CYTH1: variants seen among roughly 807,000 people sequenced by gnomAD.
CYTH1 encodes the protein cytohesin 1, also known as cytohesin-1.
In CYTH1, 18 loss-of-function variants were observed where a neutral mutation model predicts 61.8. That is an observed-to-expected ratio of 0.29 (90% CI 0.20 to 0.43). CYTH1 has a LOEUF of 0.43. Ranked by LOEUF, CYTH1 falls within the 20% of genes least tolerant of loss-of-function variation. CYTH1 has a pLI of 1.00. For missense variants in CYTH1, 336 were observed against 510.5 expected, an observed-to-expected ratio of 0.66 and a Z score of 3.29; for synonymous variants, 174 against 184.3, an observed-to-expected ratio of 0.94 and a Z score of 0.45.
At chr17:78,739,729 A>G (rs997809398) in intron 1 of CYTH1, among the ~76,000 whole-genome samples, 3 of 152,158 alleles carry the variant, frequency 2.0e-5, no homozygotes, top group African/African-American at 7.2e-5. Flanking sequence ...CCAGCACAGG[A>G]GCTGGAGACC....
intron 13 of CYTH1, chr17:78,677,137 T>G (rs1401912834): frequency 6.6e-6 from 3 of 452,132 alleles, no homozygotes; most frequent in African/African-American, 6.0e-5. Context: ...TAGAAACATG[T>G]CCCGATGGGA....
intron 13 of CYTH1, chr17:78,676,961 G>A (rs1199351232): frequency 4.4e-6 from 2 of 454,924 alleles, no homozygotes; most frequent in East Asian, 7.0e-5. Context: ...CAGAGCTCGG[G>A]CACAAGCCTC....
At chr17:78,748,795 T>G (rs2093368732) in intron 1 of CYTH1, among the ~76,000 whole-genome samples, 1 of 152,232 alleles carries the variant, frequency 6.6e-6, no homozygotes, top group Non-Finnish European at 1.5e-5. Context: ...ACAGGAGCAC[T>G]GCAGATCCCC....
In CYTH1 at chr17:78,760,422, T is replaced by C. The variant is rs367670755; in HGVS notation, c.22+21780A>G. On this transcript the variant is annotated intron_variant, in intron 1 of 13. Coordinates refer to ENST00000446868, the MANE Select transcript of CYTH1 (RefSeq NM_004762.6). ...ATATATATATGTGTATATATATATA[T>C]ATACACATACATATATATATGTATA... Among the ~76,000 whole-genome samples the C allele has an allele frequency of 3.6e-3, 283 of 77,858 alleles. 13 individuals are homozygous for C. The highest frequency in any genetic ancestry group is 0.015 in the African/African-American group (271 of 18,302). 51.1% of individuals were successfully genotyped at this position (77,858 alleles called of 152,430 possible).
intron 11 of CYTH1, 64 bp downstream of exon 11, chr17:78,692,353 A>G (rs1467487753): frequency 6.6e-7 from 1 of 1,511,268 alleles, no homozygotes; most frequent in Non-Finnish European, 9.2e-7. Context: ...ATGTCTGATT[A>G]GAGACACTTG....
intron 1 of CYTH1, among the ~76,000 whole-genome samples, chr17:78,711,400 T>C (rs569984366): frequency 1.3e-5 from 2 of 151,988 alleles, no homozygotes; most frequent in South Asian, 2.1e-4. Flanking sequence ...TGATTGCACA[T>C]TGATATAACT....
At chr17:78,687,540 T>C (rs1433900468) in intron 11 of CYTH1, among the ~76,000 whole-genome samples, 2 of 152,206 alleles carry the variant, frequency 1.3e-5, no homozygotes, top group Non-Finnish European at 2.9e-5. Flanking sequence ...TCCATTCCTT[T>C]CCAGTTCAGG....
At chr17:78,751,524 T>C (rs1422947101) in intron 1 of CYTH1, among the ~76,000 whole-genome samples, 1 of 152,122 alleles carries the variant, frequency 6.6e-6, no homozygotes, top group Non-Finnish European at 1.5e-5. Context: ...GTCATTTGTT[T>C]ACAGTATGAG....
At chr17:78,740,414 T>C (rs117572189) in intron 1 of CYTH1, among the ~76,000 whole-genome samples, 3,227 of 152,354 alleles carry the variant, frequency 0.021, 68 homozygotes, top group Middle Eastern at 0.044. Flanking sequence ...ATTCTTGTTA[T>C]ACTTCCAGTT....
At chr17:78,762,385 G>C (rs997979932) in intron 1 of CYTH1, among the ~76,000 whole-genome samples, 2 of 152,158 alleles carry the variant, frequency 1.3e-5, no homozygotes, top group African/African-American at 4.8e-5. Context: ...AGTCTACAAA[G>C]TACTGCAATA....
chr17:78,698,181 GCACA>G (rs1278126857), intron 9 of CYTH1, 84 bp downstream of exon 9: 22 of 1,072,468 alleles, frequency 2.1e-5, no homozygotes, highest in East Asian at 1.2e-4. Context: ...ACGCACACGC[GCACA>G]CACGCACGCA....
intron 12 of CYTH1, 142 bp downstream of exon 12, chr17:78,680,829 G>T: frequency 1.2e-6 from 1 of 840,178 alleles, no homozygotes; most frequent in Non-Finnish European, 1.9e-6. Flanking sequence ...TCTCATCTTT[G>T]GCTTGAACAA....
intron 1 of CYTH1, among the ~76,000 whole-genome samples, chr17:78,711,604 C>T (rs980012459): frequency 1.3e-5 from 2 of 151,960 alleles, no homozygotes; most frequent in Admixed American, 6.6e-5. Flanking sequence ...AGAGCAGTTA[C>T]TTTCCCCAAA....
intron 1 of CYTH1, among the ~76,000 whole-genome samples, chr17:78,750,407 C>T (rs2093375460): frequency 6.6e-6 from 1 of 152,110 alleles, no homozygotes; most frequent in African/African-American, 2.4e-5. Flanking sequence ...AGGTATCCCC[C>T]AGGAGATGTC....
At chr17:78,692,528 G>C in intron 10 of CYTH1, 35 bp from the exon 11 acceptor site, 1 of 1,605,198 alleles carries the variant, frequency 6.2e-7, no homozygotes, top group Non-Finnish European at 8.5e-7. Context: ...TTCGACAAGA[G>C]ACAACCAGAC....
chr17:78,680,687 G>A (rs1410861770), intron 12 of CYTH1, among the ~76,000 whole-genome samples: 1 of 152,158 alleles, frequency 6.6e-6, no homozygotes, highest in African/African-American at 2.4e-5. Context: ...TGTCCCAAGG[G>A]TATAAACTAC....
chr17:78,682,022 A>G (rs1348479130), intron 11 of CYTH1, among the ~76,000 whole-genome samples: 1 of 151,996 alleles, frequency 6.6e-6, no homozygotes, highest in Non-Finnish European at 1.5e-5. Flanking sequence ...TGACTGCTTG[A>G]TTTTAGATGT....
At chr17:78,721,475 T>C (rs1341661271) in intron 1 of CYTH1, among the ~76,000 whole-genome samples, 1 of 152,250 alleles carries the variant, frequency 6.6e-6, no homozygotes, top group Non-Finnish European at 1.5e-5. Flanking sequence ...CTATTCTAAT[T>C]TAAATTTCTT....
chr17:78,744,875 C>T (rs2093354046), intron 1 of CYTH1, among the ~76,000 whole-genome samples: 1 of 150,592 alleles, frequency 6.6e-6, no homozygotes, highest in East Asian at 1.9e-4. Context: ...AAACCTAAAC[C>T]ATATCCTTTG....
Sources: gnomAD v4.1 joint callset for allele counts (sites outside exome capture counted in the v4.1 genomes callset) on GRCh38, gnomAD v4.1.1 for gene constraint, MANE v1.5 for transcripts, NCBI Gene and HGNC (gene_info 2026-07-23, HGNC 2026-07-21) for gene names.